The following MUC3A variants were observed in gnomAD, a reference collection of about 807,000 sequenced individuals.
MUC3A encodes the protein mucin-3A.
Under a neutral mutation model 109.0 loss-of-function variants are expected in MUC3A, and 109 were observed. The ratio of observed to expected loss-of-function variants is 1.00; its 90% CI spans 0.86 to 1.17. The LOEUF is 1.17. Among genes scored for constraint, MUC3A ranks in the 50% most tolerant of loss-of-function variants. MUC3A has a pLI of 0.00. For missense variants in MUC3A, 3,537 were observed against 2,469.4 expected (o/e 1.43, Z -9.16); for synonymous variants, 1,398 against 981.4 (o/e 1.42, Z -7.93).
rs1792098854 is a variant in MUC3A at position 100,956,452 on chromosome 7, C to A, written c.4673C>A (p.Thr1558Asn). The change falls in exon 2 of 12, where the codon ACT becomes AAT. Residue 1558 changes from threonine to asparagine, a missense_variant. By Grantham distance (65) the Thr-to-Asn change is moderately conservative (BLOSUM62 0). Coordinates refer to ENST00000379458, the MANE Select transcript of MUC3A (RefSeq NM_005960.2). The part of the protein sequence containing the change: ...SVPTTLGTMV[T>N]STSMIPSTVS... ...CCCACTACCTTGGGTACCATGGTGACTTCTACATCCATGATCCCATCTACT... is the reference window on the plus strand; with the variant it reads ...CCCACTACCTTGGGTACCATGGTGAATTCTACATCCATGATCCCATCTACT... 3 of 626,932 alleles carry A rather than the reference C, an allele frequency of 4.8e-6. No homozygotes were observed. The highest frequency in any genetic ancestry group is 2.8e-5 in the East Asian group (1 of 36,130). 38.8% of individuals were successfully genotyped at this position (626,932 alleles called of 1,614,324 possible).
intron 3 of MUC3A, 113 bp downstream of exon 3, chr7:100,961,050 T>A: frequency 1.9e-6 from 3 of 1,559,014 alleles, no homozygotes; most frequent in Non-Finnish European, 1.7e-6. Context: ...TGCCCGGTCC[T>A]TCCCTCCCTG....
chr7:100,960,986 C>G, intron 3 of MUC3A, 49 bp downstream of exon 3: 1 of 1,598,228 alleles, frequency 6.3e-7, no homozygotes, highest in Non-Finnish European at 8.5e-7. Context: ...CAGGGTGTCA[C>G]TGACTCTCCC....
intron 3 of MUC3A, among the ~76,000 whole-genome samples, chr7:100,962,505 G>C (rs1445714970): frequency 2.0e-5 from 3 of 152,308 alleles, no homozygotes; most frequent in African/African-American, 7.2e-5. Flanking sequence ...CATAGTCACA[G>C]TTCTGGGGAT....
chr7:100,953,657 A>T lies in MUC3A; in HGVS notation c.1878A>T (p.Thr626=). 1 of 352,288 alleles carries T rather than the reference A, an allele frequency of 2.8e-6. No individual in the cohort carries two copies. Among genetic ancestry groups the T allele is most frequent in the South Asian group, 1.4e-4 (1 of 7,208 alleles). 21.8% of individuals were successfully genotyped at this position (352,288 alleles called of 1,614,324 possible). ...PTTDMSTESL[T]TAMTSPPITS... ...CTGACATGTCCACAGAATCTCTCAC[A>T]ACAGCCATGACTTCTCCTCCCATCA... The change falls in exon 2 of 12, where the codon ACA becomes ACT. Residue 626 remains threonine (T), a synonymous_variant. Transcript: ENST00000379458.
At chr7:100,965,965 T>C (rs1164370434) in intron 8 of MUC3A, 99 bp downstream of exon 8, 14 of 1,453,946 alleles carry the variant, frequency 9.6e-6, no homozygotes, top group East Asian at 2.5e-5. Context: ...GCCCTGGGCC[T>C]ACAGTGGAGC....
rs1465304796 is a variant in MUC3A at position 100,952,211 on chromosome 7, C to T, written c.432C>T (p.Ile144=). The T allele has an allele frequency of 1.3e-6, 2 of 1,598,546 alleles. No homozygotes were observed. The highest frequency in any genetic ancestry group is 1.7e-5 in the Admixed American group (1 of 60,026). Residue 144 remains isoleucine (I), a synonymous_variant, in exon 2 of 12, where the codon ATC becomes ATT. Transcript: ENST00000379458. Reference sequence around the variant, plus strand: ...TCACCATCTCCCACCCCACCTCCATCTGTGTGACCACGACGCAGGTGGCCT... The same window carrying T: ...TCACCATCTCCCACCCCACCTCCATTTGTGTGACCACGACGCAGGTGGCCT... ...FIITISHPTS[I]CVTTTQVAFT... is the part of the protein sequence containing the mutation.
Position 100,959,143 on chromosome 7 carries a change from C to A in MUC3A, c.7364C>A (p.Ser2455Tyr), listed in dbSNP as rs371389894. The change falls in exon 2 of 12, where the codon TCC becomes TAC. Residue 2455 changes from serine (S) to tyrosine (Y), a missense_variant. Physicochemically the swap from Ser to Tyr is moderately radical, Grantham distance 144. Coordinates refer to ENST00000379458, the MANE Select transcript of MUC3A (RefSeq NM_005960.2). The part of the protein sequence containing the change: ...SSTIYSTVST[S>Y]TTAITSHFTT... The stretch of plus-strand genomic sequence containing the variant: ...ACCATCTACTCCACAGTCAGCACAT[C>A]CACAACTGCCATCACCTCACATTTT... 3.3e-4 allele frequency: 495 copies of A among 1,493,258 alleles called. 6 individuals are homozygous for A. The African/African-American group carries it at 9.6e-3, about 29-fold the overall frequency. The allele number at this position is 1,493,258 out of a possible 1,614,324, so 92.5% of individuals were successfully genotyped here.
chr7:100,964,530 C>T (rs1188511375), intron 5 of MUC3A, 165 bp from the exon 6 acceptor site: 10 of 1,179,804 alleles, frequency 8.5e-6, no homozygotes, highest in Non-Finnish European at 1.0e-5. Flanking sequence ...CAGACCAAGT[C>T]AGGAATGCTG....
In MUC3A at chr7:100,967,212, G is replaced by A; in HGVS notation, c.*50G>A. On this transcript the variant is annotated 3_prime_UTR_variant, in exon 12 of 12. Transcript: ENST00000379458. ...CCCTCCGCCCTGCCCCGGACACAAGGGTCTGCATTGCGTCCATTTCAAGAG... is the reference window on the plus strand; with the variant it reads ...CCCTCCGCCCTGCCCCGGACACAAGAGTCTGCATTGCGTCCATTTCAAGAG... 6.3e-7 allele frequency: 1 copy of A among 1,597,198 alleles called. No homozygotes were observed. Among genetic ancestry groups the A allele is most frequent in the Non-Finnish European group, 8.5e-7 (1 of 1,179,126 alleles).
At position 100,954,030 on chromosome 7, in the gene MUC3A, A is replaced by G; in HGVS notation, c.2251A>G (p.Thr751Ala). Residue 751 changes from threonine to alanine, a missense_variant, in exon 2 of 12, where the codon ACT becomes GCT. Transcript: ENST00000379458. Reference sequence around the variant, plus strand: ...TCCACCCACCTCTCCCTTGGTCTCAACTGCAAAAACAGCCAAAACTCCTAC... The same window carrying G: ...TCCACCCACCTCTCCCTTGGTCTCAGCTGCAAAAACAGCCAAAACTCCTAC... The part of the protein sequence containing the change: ...SLPPTSPLVS[T>A]AKTAKTPTTN... 1 of 486,056 alleles carries G rather than the reference A, an allele frequency of 2.1e-6. No individual in the cohort carries two copies. 30.1% of individuals were successfully genotyped at this position (486,056 alleles called of 1,614,324 possible).
At chr7:100,963,880 T>C in intron 5 of MUC3A, 128 bp downstream of exon 5, 3 of 1,384,494 alleles carry the variant, frequency 2.2e-6, no homozygotes, top group Non-Finnish European at 3.0e-6. Context: ...ACATAAGGAA[T>C]CACTCCCTGG....
chr7:100,960,031 C>G lies in MUC3A; in HGVS notation c.8252C>G (p.Ala2751Gly), dbSNP rs112516377. The G allele has an allele frequency of 0.034, 49,953 of 1,489,296 alleles. 1 individual carries two copies. The highest frequency in any genetic ancestry group is 0.26 in the African/African-American group (16,975 of 65,760). The allele number at this position is 1,489,296 out of a possible 1,614,324, so 92.3% of individuals were successfully genotyped here. Residue 2751 changes from alanine to glycine, a missense_variant, in exon 2 of 12, where the codon GCT (alanine) becomes GGT (glycine). Coordinates refer to ENST00000379458, the MANE Select transcript of MUC3A (RefSeq NM_005960.2). ...TCAACCAGCTCCTCTCTGACCACAG[C>G]TCTCACTGAAATAACCCCCTTTTCT... ...TSSTSSSLTT[A>G]LTEITPFSYI...
rs746242136 is a variant in MUC3A, at chr7:100,952,082, A to G, written c.303A>G (p.Ser101=). The G allele has an allele frequency of 3.1e-6, 5 of 1,598,640 alleles. No individual in the cohort carries two copies. The South Asian group carries it at 5.5e-5, about 18-fold the overall frequency. Residue 101 remains serine, a synonymous_variant, in exon 2 of 12, where the codon TCA becomes TCG. Coordinates refer to ENST00000379458, the MANE Select transcript of MUC3A (RefSeq NM_005960.2). ...LLNSPVSSNT[S]TTPTSKFAFK... ...ACTCTCCAGTCAGTTCCAACACCTCAACCACCCCGACGTCCAAGTTTGCCT... is the reference window on the plus strand; with the variant it reads ...ACTCTCCAGTCAGTTCCAACACCTCGACCACCCCGACGTCCAAGTTTGCCT...
At chr7:100,966,290 G>C (rs913975308) in intron 8 of MUC3A, 96 bp from the exon 9 acceptor site, 1 of 1,048,118 alleles carries the variant, frequency 9.5e-7, no homozygotes, top group Non-Finnish European at 1.1e-6. Context: ...CCCTAGGCTG[G>C]AGCCCCGCCC....
rs1024801659 is a variant in MUC3A at position 100,957,883 on chromosome 7, C to A, written c.6104C>A (p.Thr2035Asn). 6 of 576,790 alleles carry A rather than the reference C, an allele frequency of 1.0e-5. No homozygotes were observed. Among genetic ancestry groups the A allele is most frequent in the Admixed American group, 2.9e-5 (1 of 34,654 alleles). 35.7% of individuals were successfully genotyped at this position (576,790 alleles called of 1,614,324 possible). A position where few individuals can be genotyped will look rare whatever the true frequency, so the allele number is the denominator to read the frequency against. ...ACTTCTTCGATCACAACCACCGAGA[C>A]CACATCCCATAGTACTCCCAGCTTC... ...SLTSSITTTE[T>N]TSHSTPSFTS... Residue 2035 changes from threonine (T) to asparagine (N), a missense_variant, in exon 2 of 12, where the codon ACC becomes AAC. By Grantham distance (65) the Thr-to-Asn change is moderately conservative. Coordinates refer to ENST00000379458, the MANE Select transcript of MUC3A (RefSeq NM_005960.2).
At chr7:100,951,168 T>A (rs1438317474) in intron 1 of MUC3A, among the ~76,000 whole-genome samples, 1 of 151,760 alleles carries the variant, frequency 6.6e-6, no homozygotes, top group African/African-American at 2.4e-5. Flanking sequence ...ATTTTTGTAT[T>A]TTGTTTTAGT....
Position 100,960,803 on chromosome 7 carries a change from C to T in MUC3A, c.8918C>T (p.Pro2973Leu), listed in dbSNP as rs577819188. ...TWEQGQCACL[P>L]GFSGDRCQLQ... ...GAACAGGGCCAGTGTGCTTGCCTTC[C>T]GGGGTTTTCTGGGGACCGCTGTCAG... Residue 2973 changes from proline (P) to leucine (L), a missense_variant, in exon 3 of 12, where the codon CCG (proline) becomes CTG (leucine). By Grantham distance (98) the Pro-to-Leu change is moderately conservative. Coordinates refer to ENST00000379458, the MANE Select transcript of MUC3A (RefSeq NM_005960.2). 77 of 1,598,494 alleles carry T rather than the reference C, an allele frequency of 4.8e-5. No homozygotes were observed. The highest frequency in any genetic ancestry group is 1.2e-4 in the South Asian group (11 of 91,076).
At position 100,956,702 on chromosome 7, in the gene MUC3A, T is replaced by C. The variant is rs1584802319; in HGVS notation, c.4923T>C (p.Thr1641=). 2.4e-6 allele frequency: 1 copy of C among 416,076 alleles called. No individual in the cohort carries two copies. Among genetic ancestry groups the C allele is most frequent in the East Asian group, 3.5e-5 (1 of 28,314 alleles). The allele number at this position is 416,076 out of a possible 1,614,324, so 25.8% of individuals were successfully genotyped here. A position where few individuals can be genotyped will look rare whatever the true frequency, so the allele number is the denominator to read the frequency against. ...MSATTPSGGP[T]FTSTENTPTR... ...CTACCACTCCCAGTGGAGGACCAAC[T>C]TTCACAAGTACTGAGAACACTCCAA... The change falls in exon 2 of 12, where the codon ACT becomes ACC. Residue 1641 remains threonine, a synonymous_variant. Transcript: ENST00000379458.
intron 1 of MUC3A, among the ~76,000 whole-genome samples, chr7:100,950,202 G>A (rs1478918802): frequency 0.16 from 11 of 70 alleles, no homozygotes; most frequent in African/African-American, 0.27. Flanking sequence ...CAGCTCTGCC[G>A]TCACTCTCTT....
Sources: allele counts gnomAD v4.1 joint callset (sites outside exome capture counted in the v4.1 genomes callset), GRCh38; gene constraint gnomAD v4.1.1; transcripts MANE v1.5; gene names NCBI Gene and HGNC (gene_info 2026-07-23, HGNC 2026-07-21).